Variants in EDARADD observed in about 807,000 individuals in gnomAD.
EDARADD encodes the protein ectodysplasin-A receptor-associated adapter protein.
A neutral mutation model predicts 25.6 loss-of-function variants in EDARADD; 20 were observed. The observed-to-expected ratio is 0.78, with a 90% CI of 0.55 to 1.14. EDARADD has a LOEUF of 1.14. Ranked by LOEUF, EDARADD falls within the 50% of genes most tolerant of loss-of-function variation. The pLI is 0.00. For synonymous variants in EDARADD, 86 were observed against 94.4 expected, an observed-to-expected ratio of 0.91 and a Z score of 0.52; for missense variants, 225 against 270.1, an observed-to-expected ratio of 0.83 and a Z score of 1.17.
rs1659779321 is a variant in EDARADD at position 236,484,601 on chromosome 1, C to T, written c.*1952C>T. On this transcript the variant is annotated 3_prime_UTR_variant, in exon 6 of 6. Transcript: ENST00000334232. This position sits in a 1 kb window ranked among gnomAD's most constrained non-coding sequence, Gnocchi z 4.1. ...GCTAGTTAGCTACCCTTGCCCACCG[C>T]CGTGGAGTTCGCACCTCTTCCTTAG... 1.5e-6 allele frequency: 1 copy of T among 665,296 alleles called. No individual in the cohort carries two copies. The highest frequency in any genetic ancestry group is 1.8e-5 in the African/African-American group (1 of 55,688). 41.2% of individuals were successfully genotyped at this position (665,296 alleles called of 1,614,324 possible).
At chr1:236,444,856 A>G (rs1295620073) in intron 4 of EDARADD, among the ~76,000 whole-genome samples, 1 of 152,134 alleles carries the variant, frequency 6.6e-6, no homozygotes, top group Non-Finnish European at 1.5e-5. Context: ...TGAACCCACA[A>G]TAATTCTGAG....
chr1:236,356,763 A>AAC lies in EDARADD; in HGVS notation c.-6+5925_-6+5926insCA, dbSNP rs1558099205. On this transcript the variant is annotated intron_variant, in intron 3 of 7. Transcript: ENST00000439430. ...CTTTAAAACAAAACAAAACAAAAAA[A>AAC]AAAACCACACCAATTTGGCTTAAGA... Among the ~76,000 whole-genome samples the AAC allele has an allele frequency of 2.4e-3, 366 of 151,782 alleles. 2 individuals carry two copies. The highest frequency in any genetic ancestry group is 8.4e-3 in the African/African-American group (348 of 41,372).
At chr1:236,383,926 C>T (rs887552915) in intron 3 of EDARADD, among the ~76,000 whole-genome samples, 1 of 152,066 alleles carries the variant, frequency 6.6e-6, no homozygotes, top group African/African-American at 2.4e-5. Context: ...CACTTGAGCC[C>T]CGGTAGGTCG....
upstream of EDARADD, among the ~76,000 whole-genome samples, chr1:236,391,779 A>C (rs1353197684): frequency 1.3e-5 from 2 of 152,192 alleles, no homozygotes; most frequent in Non-Finnish European, 2.9e-5. Flanking sequence ...CCCCCATTTA[A>C]AACAGCACAT....
chr1:236,395,082 G>A lies in EDARADD; in HGVS notation c.61+577G>A, dbSNP rs957930626. ...AAATTTGTCTAAATATCAGATCGCC[G>A]GCGGGCATCTCAGCCCAGGCCTGTG... is the stretch of plus-strand genomic sequence containing the variant. On this transcript the variant is annotated intron_variant, in intron 1 of 5. Transcript: ENST00000334232. This position sits in a 1 kb window ranked among gnomAD's most constrained non-coding sequence, Gnocchi z 6.9. 6.6e-6 allele frequency among the ~76,000 whole-genome samples: 1 copy of A among 152,242 alleles called. No individual in the cohort carries two copies. Among genetic ancestry groups the A allele is most frequent in the East Asian group, 1.9e-4 (1 of 5,200 alleles).
chr1:236,483,151 G>T lies in EDARADD; in HGVS notation c.*502G>T. Reference sequence around the variant, plus strand: ...CTCTCCTAGGCAATGAGACCCAGTGGCTAGAAATTCACCATGTCTATTCTC... The same window carrying T: ...CTCTCCTAGGCAATGAGACCCAGTGTCTAGAAATTCACCATGTCTATTCTC... On this transcript the variant is annotated 3_prime_UTR_variant, in exon 6 of 6. Transcript: ENST00000334232. The T allele has an allele frequency of 5.3e-6, 8 of 1,509,596 alleles. No individual in the cohort carries two copies. Among genetic ancestry groups the T allele is most frequent in the Non-Finnish European group, 7.3e-6 (8 of 1,089,082 alleles). The allele number at this position is 1,509,596 out of a possible 1,614,324, so 93.5% of individuals were successfully genotyped here. A position where few individuals can be genotyped will look rare whatever the true frequency, so the allele number is the denominator to read the frequency against.
chr1:236,445,682 C>T (rs996019123), intron 4 of EDARADD, among the ~76,000 whole-genome samples: 7 of 152,090 alleles, frequency 4.6e-5, no homozygotes, highest in Non-Finnish European at 7.4e-5. Context: ...ATAAACTTTT[C>T]AATATAGTTG....
intron 1 of EDARADD, 128 bp from the exon 2 acceptor site, chr1:236,409,085 AAAG>A: frequency 3.9e-6 from 2 of 507,384 alleles, no homozygotes; most frequent in Non-Finnish European, 3.4e-6. Flanking sequence ...AAAAAAAAAA[AAAG>A]GAGTAAGGTT....
chr1:236,399,017 G>A (rs1232984934), intron 1 of EDARADD, among the ~76,000 whole-genome samples: 1 of 152,026 alleles, frequency 6.6e-6, no homozygotes, highest in Non-Finnish European at 1.5e-5. Context: ...AGAGTTGGGG[G>A]GAGAAAAAGC....
At chr1:236,465,662 T>G (rs545463287) in intron 4 of EDARADD, among the ~76,000 whole-genome samples, 1 of 152,330 alleles carries the variant, frequency 6.6e-6, no homozygotes, top group African/African-American at 2.4e-5. Context: ...CAGCATATCT[T>G]GAGGTCAAGG....
chr1:236,423,834 G>A (rs664847), intron 3 of EDARADD, among the ~76,000 whole-genome samples: 67,942 of 151,984 alleles, frequency 0.45, 17,448 homozygotes, highest in Non-Finnish European at 0.59. Flanking sequence ...GGCTAGATGC[G>A]GTGGCTCACA....
intron 5 of EDARADD, among the ~76,000 whole-genome samples, chr1:236,471,901 A>G (rs1659370205): frequency 6.6e-6 from 1 of 152,136 alleles, no homozygotes; most frequent in African/African-American, 2.4e-5. Context: ...ACTAATCATG[A>G]CGTTTGTGAA....
At chr1:236,453,671 A>G (rs1029299439) in intron 4 of EDARADD, among the ~76,000 whole-genome samples, 4 of 152,178 alleles carry the variant, frequency 2.6e-5, no homozygotes, top group Non-Finnish European at 5.9e-5. Context: ...AGTCAGTAAC[A>G]TGCTGCACAG....
intron 3 of EDARADD, among the ~76,000 whole-genome samples, chr1:236,388,540 A>C (rs903434524): frequency 2.6e-5 from 4 of 152,168 alleles, no homozygotes; most frequent in Admixed American, 1.3e-4. Context: ...ATTCCGTCAG[A>C]TTTCTTTTTA....
chr1:236,399,057 C>T (rs1455029588), intron 1 of EDARADD, among the ~76,000 whole-genome samples: 1 of 152,156 alleles, frequency 6.6e-6, no homozygotes, highest in Non-Finnish European at 1.5e-5. Flanking sequence ...TAGGAACTTA[C>T]TCATCGAGTT....
chr1:236,369,869 T>G (rs1191799673), intron 3 of EDARADD, among the ~76,000 whole-genome samples: 1 of 151,872 alleles, frequency 6.6e-6, no homozygotes, highest in African/African-American at 2.4e-5. Flanking sequence ...AAAAAATTGT[T>G]ATCATATTTC....
intron 4 of EDARADD, among the ~76,000 whole-genome samples, chr1:236,458,698 C>T (rs1163970938): frequency 1.5e-5 from 2 of 135,126 alleles, no homozygotes; most frequent in East Asian, 4.2e-4. Context: ...GGCTGGAATG[C>T]GATGGCCCAG....
intron 2 of EDARADD, among the ~76,000 whole-genome samples, chr1:236,349,718 G>A (rs964458295): frequency 3.3e-5 from 5 of 151,974 alleles, no homozygotes; most frequent in African/African-American, 1.2e-4. Context: ...GAGACAGCAG[G>A]TTGTAAAATG....
upstream of EDARADD, among the ~76,000 whole-genome samples, chr1:236,389,561 C>T (rs1418116125): frequency 1.3e-5 from 2 of 152,198 alleles, no homozygotes. Context: ...GTGTCTCTGA[C>T]AAACAGAAAT....
Sources: allele counts gnomAD v4.1 joint callset (sites outside exome capture counted in the v4.1 genomes callset), GRCh38; gene constraint gnomAD v4.1.1; non-coding constraint Gnocchi (gnomAD v3.1); transcripts MANE v1.5; gene names NCBI Gene and HGNC (gene_info 2026-07-23, HGNC 2026-07-21).